Variants in KCNIP4 observed in about 807,000 individuals in gnomAD.
The protein encoded by KCNIP4 is Kv channel-interacting protein 4.
In KCNIP4, 12 loss-of-function variants were observed where a neutral mutation model predicts 34.0. The ratio of observed to expected loss-of-function variants is 0.35; its 90% CI spans 0.23 to 0.57. KCNIP4 has a LOEUF of 0.57. KCNIP4 is among the 20% of genes least tolerant of loss of function. KCNIP4 has a pLI of 0.83. For synonymous variants in KCNIP4, 124 were observed against 102.2 expected (o/e 1.21, Z -1.29); for missense variants, 238 against 311.7 (o/e 0.76, Z 1.78).
At chr4:20,988,023 T>TATA (rs1033781557) in intron 1 of KCNIP4, among the ~76,000 whole-genome samples, 2 of 83,630 alleles carry the variant, frequency 2.4e-5, no homozygotes, top group African/African-American at 1.1e-4. Context: ...AAAAAAAAAA[T>TATA]TATAGATATT....
chr4:20,750,282 TG>T lies in KCNIP4; in HGVS notation c.359-551del, dbSNP rs149847630. On this transcript the variant is annotated intron_variant, in intron 4 of 8. Coordinates refer to ENST00000382152, the MANE Select transcript of KCNIP4 (RefSeq NM_025221.6). Reference sequence around the variant, plus strand: ...ACATGAACTTAGGTCTTTCTGACTCTGAGAACCAGGCTAGCCCTCAGCCAGT... The same window carrying T: ...ACATGAACTTAGGTCTTTCTGACTCTAGAACCAGGCTAGCCCTCAGCCAGT... 2.9e-3 allele frequency among the ~76,000 whole-genome samples: 436 copies of T among 152,302 alleles called. 1 individual carries two copies. Among genetic ancestry groups the T allele is most frequent in the African/African-American group, 0.01 (421 of 41,572 alleles).
At chr4:21,627,143 G>A (rs13146325) in intron 1 of KCNIP4, among the ~76,000 whole-genome samples, 22,655 of 152,116 alleles carry the variant, frequency 0.15, 2,024 homozygotes, top group South Asian at 0.21. Context: ...AAATTTGTGT[G>A]TAGATTCCAA....
At chr4:20,851,935 A>G (rs1721074530) in intron 2 of KCNIP4, among the ~76,000 whole-genome samples, 1 of 152,156 alleles carries the variant, frequency 6.6e-6, no homozygotes, top group South Asian at 2.1e-4. Context: ...GGACTGCTTG[A>G]GCCCAGGAGG....
chr4:21,038,625 C>G (rs573451807), intron 1 of KCNIP4, among the ~76,000 whole-genome samples: 2 of 152,304 alleles, frequency 1.3e-5, no homozygotes, highest in South Asian at 4.1e-4. Flanking sequence ...GGTCTGAGTT[C>G]TAGCAAGCAT....
At chr4:21,715,422 G>A (rs544656067) in intron 1 of KCNIP4, among the ~76,000 whole-genome samples, 64 of 151,986 alleles carry the variant, frequency 4.2e-4, no homozygotes, top group South Asian at 6.2e-4. Flanking sequence ...GAGCCACCGC[G>A]CCCAGCCTGA....
At chr4:20,834,342 C>A (rs1370958736) in intron 3 of KCNIP4, among the ~76,000 whole-genome samples, 1 of 152,082 alleles carries the variant, frequency 6.6e-6, no homozygotes, top group Non-Finnish European at 1.5e-5. Flanking sequence ...CAACTATGTG[C>A]CAGGAAAAGT....
At chr4:21,503,984 A>G (rs958545823) in intron 1 of KCNIP4, among the ~76,000 whole-genome samples, 10 of 152,202 alleles carry the variant, frequency 6.6e-5, no homozygotes, top group Non-Finnish European at 4.4e-5. Flanking sequence ...TCCAGTCCTA[A>G]GCTTCTCAAA....
intron 1 of KCNIP4, among the ~76,000 whole-genome samples, chr4:21,340,285 T>G (rs1183274287): frequency 6.6e-6 from 1 of 152,112 alleles, no homozygotes; most frequent in East Asian, 1.9e-4. Flanking sequence ...TGGCAGATTT[T>G]TCAAATGAAT....
rs1022575306 is a variant in KCNIP4, at chr4:21,300,761, C to T, written c.62-418052G>A. Among the ~76,000 whole-genome samples the T allele has an allele frequency of 3.3e-5, 5 of 152,230 alleles. No individual in the cohort carries two copies. In the East Asian group the frequency reaches 9.7e-4, roughly 29 times the overall value. ...AGGAAAGATTAGTCTAACCATTATA[C>T]TGTATATCAATTCCAAAATAGGCCG... On this transcript the variant is annotated intron_variant, in intron 1 of 8. Coordinates refer to ENST00000382152, the MANE Select transcript of KCNIP4 (RefSeq NM_025221.6).
chr4:20,765,911 G>A (rs993057040), intron 3 of KCNIP4, among the ~76,000 whole-genome samples: 1 of 152,204 alleles, frequency 6.6e-6, no homozygotes, highest in Non-Finnish European at 1.5e-5. Context: ...TGAGGGTCAA[G>A]ATTAGTTGTA....
intron 1 of KCNIP4, among the ~76,000 whole-genome samples, chr4:21,328,060 C>T (rs1715268749): frequency 1.3e-5 from 2 of 151,948 alleles, no homozygotes; most frequent in Non-Finnish European, 2.9e-5. Flanking sequence ...GTAACTGGTG[C>T]CTTATTTAGT....
intron 1 of KCNIP4, among the ~76,000 whole-genome samples, chr4:21,728,630 C>T (rs1306124528): frequency 6.6e-6 from 1 of 152,136 alleles, no homozygotes; most frequent in Non-Finnish European, 1.5e-5. Flanking sequence ...TTAAACCACC[C>T]ACATCATTTT....
At chr4:21,654,207 A>C (rs1747734125) in intron 1 of KCNIP4, among the ~76,000 whole-genome samples, 1 of 152,220 alleles carries the variant, frequency 6.6e-6, no homozygotes, top group Non-Finnish European at 1.5e-5. Context: ...AAATGTAATA[A>C]ATTTCTCTAG....
chr4:21,023,287 A>G (rs986368050), intron 1 of KCNIP4, among the ~76,000 whole-genome samples: 3 of 152,202 alleles, frequency 2.0e-5, no homozygotes, highest in Non-Finnish European at 2.9e-5. Flanking sequence ...ATATCAATAA[A>G]GATATAGACA....
chr4:21,332,881 C>T (rs1315878964), intron 1 of KCNIP4, among the ~76,000 whole-genome samples: 1 of 151,974 alleles, frequency 6.6e-6, no homozygotes, highest in African/African-American at 2.4e-5. Flanking sequence ...ATTTCAAATT[C>T]TTTTTATGGT....
At chr4:21,567,339 C>T (rs1739974802) in intron 1 of KCNIP4, among the ~76,000 whole-genome samples, 1 of 151,786 alleles carries the variant, frequency 6.6e-6, no homozygotes, top group South Asian at 2.1e-4. Flanking sequence ...TGAATGGAAG[C>T]CACTGGCTGA....
intron 1 of KCNIP4, among the ~76,000 whole-genome samples, chr4:21,547,002 A>G (rs1170045398): frequency 6.6e-6 from 1 of 152,166 alleles, no homozygotes; most frequent in African/African-American, 2.4e-5. Flanking sequence ...CCTTTCTACC[A>G]CGGAAAAAAA....
chr4:21,259,009 C>A (rs1224422688), intron 1 of KCNIP4, among the ~76,000 whole-genome samples: 1 of 152,028 alleles, frequency 6.6e-6, no homozygotes, highest in Non-Finnish European at 1.5e-5. Flanking sequence ...AACATTTACC[C>A]GGGATGTGAA....
intron 1 of KCNIP4, chr4:21,719,055 C>G (rs1044145040): frequency 6.6e-6 from 1 of 152,146 alleles, no homozygotes; most frequent in African/African-American, 2.4e-5. Context: ...AGTTTCAGTA[C>G]GCAAGTGCCA....
Sources: allele counts gnomAD v4.1 joint callset (sites outside exome capture counted in the v4.1 genomes callset), GRCh38; gene constraint gnomAD v4.1.1; transcripts MANE v1.5; gene names NCBI Gene and HGNC (gene_info 2026-07-23, HGNC 2026-07-21).